TAF1D: variants seen among roughly 807,000 people sequenced by gnomAD.
TAF1D encodes the protein TATA-box binding protein associated factor, RNA polymerase I subunit D, also known as TATA box-binding protein-associated factor RNA polymerase I subunit D.
In TAF1D, 23 loss-of-function variants were observed where a neutral mutation model predicts 26.2. The ratio of observed to expected loss-of-function variants is 0.88; its 90% CI spans 0.63 to 1.25. The LOEUF is 1.25. Ranked by LOEUF, TAF1D falls within the 50% of genes most tolerant of loss-of-function variation. The pLI is 0.00. For synonymous variants in TAF1D, 100 were observed against 105.6 expected, an observed-to-expected ratio of 0.95 and a Z score of 0.33; for missense variants, 299 against 322.0, an observed-to-expected ratio of 0.93 and a Z score of 0.55.
At chr11:93,739,449 G>C (rs966555014) in intron 1 of TAF1D, 118 bp from the exon 2 acceptor site, 6 of 596,192 alleles carry the variant, frequency 1.0e-5, no homozygotes, top group Non-Finnish European at 1.7e-5. Context: ...ATTTACCAAG[G>C]TTAAGCTTCT....
chr11:93,731,558 CCAT>C (rs1281471394), downstream of TAF1D: 10 of 518,692 alleles, frequency 1.9e-5, no homozygotes, highest in African/African-American at 5.8e-5. Context: ...AACATTTCGC[CCAT>C]CATCATAACA....
downstream of TAF1D, chr11:93,735,001 C>T: frequency 8.2e-7 from 1 of 1,213,384 alleles, no homozygotes; most frequent in Non-Finnish European, 1.1e-6. Context: ...TGGTTTCAAG[C>T]AATACTCCCA....
In TAF1D at chr11:93,736,734, G is replaced by A. The variant is rs1940873898; in HGVS notation, c.653C>T (p.Ala218Val). Residue 218 changes from alanine (A) to valine (V), a missense_variant, in exon 5 of 6, where the codon GCA (alanine) becomes GTA (valine). By Grantham distance (64) the Ala-to-Val change is moderately conservative (BLOSUM62 0). Transcript: ENST00000448108. ...IEESTAEDED[A>V]THLEDNECDI... ...ACATTCGTTATCTTCAAGATGTGTTGCATCCTCATCCTCTGCTCTGTAATA... is the reference window on the plus strand; with the variant it reads ...ACATTCGTTATCTTCAAGATGTGTTACATCCTCATCCTCTGCTCTGTAATA... 1 of 1,610,874 alleles carries A rather than the reference G, an allele frequency of 6.2e-7. No homozygotes were observed. Among genetic ancestry groups the A allele is most frequent in the African/African-American group, 1.3e-5 (1 of 74,796 alleles).
chr11:93,733,649 C>G (rs372253714), downstream of TAF1D: 1 of 490,110 alleles, frequency 2.0e-6, no homozygotes, highest in East Asian at 5.6e-5. Flanking sequence ...TCTGCCATGT[C>G]TTTTAAAAAT....
intron 4 of TAF1D, 155 bp downstream of exon 4, chr11:93,736,909 C>G: frequency 9.1e-7 from 1 of 1,097,516 alleles, no homozygotes; most frequent in East Asian, 2.7e-5. Flanking sequence ...GAACGGTGTG[C>G]CAAGCTTGGC....
In TAF1D at chr11:93,739,258, G is replaced by A; in HGVS notation, c.47C>T (p.Ala16Val). ...TCACCTTCGATTTGCAAGTTCCACA[G>A]CATCAGATGTCACATGGTCAAGAGA... ...IDSLDHVTSD[A>V]VELANRSDNS... Residue 16 changes from alanine (A) to valine (V), a missense_variant, in exon 2 of 6, where the codon GCT becomes GTT. Ala to Val is a moderately conservative substitution (Grantham distance 64, BLOSUM62 0). Coordinates refer to ENST00000448108, the MANE Select transcript of TAF1D (RefSeq NM_024116.4). 6.2e-7 allele frequency: 1 copy of A among 1,612,794 alleles called. No individual in the cohort carries two copies. Among genetic ancestry groups the A allele is most frequent in the African/African-American group, 1.3e-5 (1 of 74,978 alleles).
intron 4 of TAF1D, 64 bp downstream of exon 4, chr11:93,737,000 A>C: frequency 8.8e-6 from 12 of 1,361,134 alleles, no homozygotes; most frequent in Non-Finnish European, 1.2e-5. Context: ...CAAAATATGA[A>C]GCAATTAACA....
At chr11:93,740,915 G>A (rs918697829) in intron 1 of TAF1D, among the ~76,000 whole-genome samples, 14 of 152,144 alleles carry the variant, frequency 9.2e-5, no homozygotes, top group African/African-American at 3.4e-4. Flanking sequence ...AATTCTTAGA[G>A]GCCACGTGGG....
In TAF1D at chr11:93,741,474, T is replaced by C. The variant is rs1229265518; in HGVS notation, c.-180A>G. On this transcript the variant is annotated 5_prime_UTR_variant, in exon 1 of 6. Transcript: ENST00000448108. Reference sequence around the variant, plus strand: ...AACTCCCGATAACCAGCCGACCTCCTCCAACCGTGCGGAAGAAAAGGGTTG... The same window carrying C: ...AACTCCCGATAACCAGCCGACCTCCCCCAACCGTGCGGAAGAAAAGGGTTG... 1 of 455,978 alleles carries C rather than the reference T, an allele frequency of 2.2e-6. No individual in the cohort carries two copies. Among genetic ancestry groups the C allele is most frequent in the Non-Finnish European group, 4.4e-6 (1 of 226,926 alleles). The allele number at this position is 455,978 out of a possible 1,614,324, so 28.2% of individuals were successfully genotyped here.
downstream of TAF1D, chr11:93,732,061 C>T: frequency 1.9e-6 from 1 of 518,954 alleles, no homozygotes; most frequent in Middle Eastern, 3.2e-4. Context: ...GGAAGCATAA[C>T]CTGTCTCAAT....
chr11:93,736,668 G>A (rs1940859593), intron 5 of TAF1D, 26 bp downstream of exon 5: 1 of 1,606,588 alleles, frequency 6.2e-7, no homozygotes, highest in South Asian at 1.1e-5. Context: ...TCCCAAAATG[G>A]AATAGGAAAA....
At chr11:93,732,058 T>C (rs771161256), downstream of TAF1D, 1 of 519,006 alleles carries the variant, frequency 1.9e-6, no homozygotes, top group South Asian at 1.4e-5. Flanking sequence ...GATGGAAGCA[T>C]AACCTGTCTC....
In TAF1D at chr11:93,737,066, T is replaced by C. The variant is rs749784695; in HGVS notation, c.633A>G (p.Ser211=). 8.8e-6 allele frequency: 14 copies of C among 1,587,606 alleles called. No individual in the cohort carries two copies. Among genetic ancestry groups the C allele is most frequent in the Non-Finnish European group, 1.2e-5 (14 of 1,169,960 alleles). Reference sequence around the variant, plus strand: ...GTATTTCATATGATTCCACTTACGTTGACTCCTCAATAGGAGAAATGGATC... The same window carrying C: ...GTATTTCATATGATTCCACTTACGTCGACTCCTCAATAGGAGAAATGGATC... ...DDGSISPIEE[S]TAEDEDATHL... The change falls in exon 4 of 6, where the codon TCA becomes TCG. Residue 211 remains serine, a splice_region_variant and synonymous_variant. Transcript: ENST00000448108.
downstream of TAF1D, chr11:93,730,823 CTTGG>C (rs1938513715): frequency 2.5e-6 from 1 of 400,508 alleles, no homozygotes. Flanking sequence ...CTACAAACTG[CTTGG>C]TTATTAGCAA....
In TAF1D at chr11:93,741,466, C is replaced by T. The variant is rs575040423; in HGVS notation, c.-172G>A. 1.8e-5 allele frequency: 8 copies of T among 456,158 alleles called. No individual in the cohort carries two copies. The highest frequency in any genetic ancestry group is 4.0e-5 in the African/African-American group (2 of 50,080). 28.3% of individuals were successfully genotyped at this position (456,158 alleles called of 1,614,324 possible). A position where few individuals can be genotyped will look rare whatever the true frequency, so the allele number is the denominator to read the frequency against. On this transcript the variant is annotated 5_prime_UTR_variant, in exon 1 of 6. Transcript: ENST00000448108. ...AGCCCTCCAACTCCCGATAACCAGC[C>T]GACCTCCTCCAACCGTGCGGAAGAA...
In TAF1D at chr11:93,739,237, C is replaced by A. The variant is rs758377130; in HGVS notation, c.68G>T (p.Ser23Ile). The change falls in exon 2 of 6, where the codon AGT becomes ATT. Residue 23 changes from serine (S) to isoleucine (I), a missense_variant and splice_region_variant. Physicochemically the swap from Ser to Ile is moderately radical, Grantham distance 142 (BLOSUM62 -2). Coordinates refer to ENST00000448108, the MANE Select transcript of TAF1D (RefSeq NM_024116.4). ...AATAAACATGATTGAATCCACTCACCTTCGATTTGCAAGTTCCACAGCATC... is the reference window on the plus strand; with the variant it reads ...AATAAACATGATTGAATCCACTCACATTCGATTTGCAAGTTCCACAGCATC... ...TSDAVELANRSDNSSDSSLFK... is the reference protein window; with the variant it reads ...TSDAVELANRIDNSSDSSLFK... The A allele has an allele frequency of 6.2e-7, 1 of 1,609,774 alleles. No individual in the cohort carries two copies.
chr11:93,738,546 T>G, intron 2 of TAF1D, 47 bp from the exon 3 acceptor site: 1 of 1,494,200 alleles, frequency 6.7e-7, no homozygotes, highest in Non-Finnish European at 8.9e-7. Context: ...TTCTTACTGC[T>G]TATTACCATT....
chr11:93,734,614 T>C (rs548007375), downstream of TAF1D: 34 of 726,898 alleles, frequency 4.7e-5, no homozygotes, highest in East Asian at 4.5e-4. Flanking sequence ...AAAACTCAAA[T>C]TGAGACATAC....
At chr11:93,732,365 G>T (rs981328448), downstream of TAF1D, 2 of 518,632 alleles carry the variant, frequency 3.9e-6, no homozygotes, top group South Asian at 1.4e-5. Flanking sequence ...CACAAATACT[G>T]TATCAGTAGA....
Sources: gnomAD v4.1 joint callset for allele counts (sites outside exome capture counted in the v4.1 genomes callset) on GRCh38, gnomAD v4.1.1 for gene constraint, MANE v1.5 for transcripts, NCBI Gene and HGNC (gene_info 2026-07-23, HGNC 2026-07-21) for gene names.